The following HSD17B4 variants were observed in gnomAD, a reference collection of about 807,000 sequenced individuals.
HSD17B4 encodes peroxisomal multifunctional enzyme type 2.
HSD17B4 carries 70 observed loss-of-function variants against 101.0 expected under a neutral mutation model. The ratio of observed to expected loss-of-function variants is 0.69; its 90% CI spans 0.57 to 0.85. The LOEUF (loss-of-function observed/expected upper bound fraction) is 0.85. HSD17B4 is among the 40% of genes least tolerant of loss of function. HSD17B4 has a pLI of 0.00. For missense variants in HSD17B4, 984 were observed against 892.4 expected (o/e 1.10, Z -1.31); for synonymous variants, 347 against 297.1 (o/e 1.17, Z -1.73).
intron 2 of HSD17B4, among the ~76,000 whole-genome samples, chr5:119,463,526 T>A (rs1172979659): frequency 6.6e-6 from 1 of 151,662 alleles, no homozygotes; most frequent in East Asian, 1.9e-4. Context: ...TTTGTTATTT[T>A]TTTTTTTTTT....
In HSD17B4 at chr5:119,536,787, T is replaced by C. The variant is rs551418337; in HGVS notation, c.2121+237T>C. ...CTAGATTTTTTAATATATTCTGTTA[T>C]GTGTTCAAAGGTGAAAAACCATATG... On this transcript the variant is annotated intron_variant, in intron 23 of 23. Coordinates refer to ENST00000510025, the MANE Select transcript of HSD17B4 (RefSeq NM_000414.4). Among the ~76,000 whole-genome samples the C allele has an allele frequency of 4.1e-4, 62 of 152,222 alleles. No individual in the cohort carries two copies. The South Asian group carries it at 4.6e-3, about 11-fold the overall frequency.
At chr5:119,522,053 G>A (rs1580687579) in intron 17 of HSD17B4, among the ~76,000 whole-genome samples, 1 of 151,714 alleles carries the variant, frequency 6.6e-6, no homozygotes. Flanking sequence ...CGTCATTTAC[G>A]TTAGGTATAT....
Position 119,463,655 on chromosome 5 carries a change from C to CTTTTTTTTTTTTTTT in HSD17B4, c.112+7303_112+7317dup, listed in dbSNP as rs57252147. ...ATATACTTCTTGGCCATTTATATGT[C>CTTTTTTTTTTTTTTT]TTTTTTTTTTTTTTTTTTTTTTTTT... On this transcript the variant is annotated intron_variant, in intron 2 of 23. Coordinates refer to ENST00000510025, the MANE Select transcript of HSD17B4 (RefSeq NM_000414.4). 1.6e-3 allele frequency among the ~76,000 whole-genome samples: 47 copies of CTTTTTTTTTTTTTTT among 29,700 alleles called. 8 individuals are homozygous for CTTTTTTTTTTTTTTT. The highest frequency in any genetic ancestry group is 2.9e-3 in the South Asian group (1 of 344). 19.5% of individuals were successfully genotyped at this position (29,700 alleles called of 152,430 possible). A position where few individuals can be genotyped will look rare whatever the true frequency, so the allele number is the denominator to read the frequency against.
chr5:119,515,386 G>A (rs1752525398), intron 17 of HSD17B4, among the ~76,000 whole-genome samples: 2 of 152,056 alleles, frequency 1.3e-5, no homozygotes, highest in Admixed American at 6.5e-5. Context: ...GTAAGTGCAG[G>A]ATAAAAATTA....
At chr5:119,501,847 GCTGA>G (rs1481955730) in intron 13 of HSD17B4, among the ~76,000 whole-genome samples, 190 bp from the exon 14 acceptor site, 1 of 152,148 alleles carries the variant, frequency 6.6e-6, no homozygotes, top group African/African-American at 2.4e-5. Flanking sequence ...CTCCAGAAGA[GCTGA>G]CTGTCTTGAG....
Position 119,493,923 on chromosome 5 carries a change from C to A in HSD17B4, c.845C>A (p.Ala282Asp), listed in dbSNP as rs755644876. 15 of 1,613,150 alleles carry A rather than the reference C, an allele frequency of 9.3e-6. No individual in the cohort carries two copies. The highest frequency in any genetic ancestry group is 1.3e-5 in the Non-Finnish European group (15 of 1,179,364). Residue 282 changes from alanine (A) to aspartate (D), a missense_variant, in exon 11 of 24, where the codon GCC (alanine) becomes GAC (aspartate). Transcript: ENST00000510025. ...AAGAAGATCTGTGACTTTGAGAATG[C>A]CAGCAAGCCTCAGAGTATCCAAGGT... The part of the protein sequence containing the change: ...NWKKICDFEN[A>D]SKPQSIQEST...
At chr5:119,490,409 AC>A (rs1290552037) in intron 9 of HSD17B4, among the ~76,000 whole-genome samples, 1 of 152,210 alleles carries the variant, frequency 6.6e-6, no homozygotes, top group African/African-American at 2.4e-5. Context: ...AACTTTGTGA[AC>A]AAAAATAATA....
chr5:119,470,017 G>T (rs1464265383), intron 2 of HSD17B4, among the ~76,000 whole-genome samples: 1 of 152,130 alleles, frequency 6.6e-6, no homozygotes, highest in Non-Finnish European at 1.5e-5. Context: ...GGTTGCTGGT[G>T]GTGTCAGTTG....
intron 11 of HSD17B4, among the ~76,000 whole-genome samples, chr5:119,494,325 TTTTCTTTC>T (rs66578057): frequency 0.062 from 6,854 of 111,438 alleles, 206 homozygotes; most frequent in Middle Eastern, 0.079. Context: ...TCTTTCTTTC[TTTTCTTTC>T]TTTCTTTCTT....
intron 1 of HSD17B4, among the ~76,000 whole-genome samples, chr5:119,454,597 G>A (rs919923258): frequency 2.6e-5 from 4 of 151,622 alleles, no homozygotes; most frequent in African/African-American, 9.7e-5. Context: ...AAATTTCCTA[G>A]TTTTGGAAAA....
chr5:119,532,510 A>G (rs1275375710), intron 22 of HSD17B4, among the ~76,000 whole-genome samples: 1 of 152,142 alleles, frequency 6.6e-6, no homozygotes, highest in African/African-American at 2.4e-5. Flanking sequence ...TTTACCTTCT[A>G]TTAAAATAAT....
intron 23 of HSD17B4, among the ~76,000 whole-genome samples, chr5:119,540,663 T>C (rs1396715031): frequency 1.3e-5 from 2 of 152,214 alleles, no homozygotes; most frequent in Non-Finnish European, 2.9e-5. Flanking sequence ...ATGCATTTGA[T>C]TGTGACTGAA....
In HSD17B4 at chr5:119,514,130, A is replaced by G. The variant is rs76961019; in HGVS notation, c.1438-851A>G. 0.026 allele frequency among the ~76,000 whole-genome samples: 4,012 copies of G among 152,294 alleles called. 497 individuals carry two copies. The East Asian group carries it at 0.42, about 16-fold the overall frequency. On this transcript the variant is annotated intron_variant, in intron 16 of 23. Transcript: ENST00000510025. ...GGATGCAACTGAAACAAAGGAGTGTAATTGATGCAATGATTTTTGAAAAAC... is the reference window on the plus strand; with the variant it reads ...GGATGCAACTGAAACAAAGGAGTGTGATTGATGCAATGATTTTTGAAAAAC...
intron 17 of HSD17B4, among the ~76,000 whole-genome samples, chr5:119,522,285 A>G (rs1289135600): frequency 6.6e-6 from 1 of 152,190 alleles, no homozygotes; most frequent in Non-Finnish European, 1.5e-5. Flanking sequence ...TTATGACTGC[A>G]TAGTATTTCA....
intron 6 of HSD17B4, chr5:119,476,511 G>T: frequency 1.1e-6 from 1 of 934,166 alleles, no homozygotes; most frequent in Non-Finnish European, 1.3e-6. Flanking sequence ...TGAAACAATT[G>T]TATCATTGTT....
Position 119,493,713 on chromosome 5 carries a change from T to C in HSD17B4, c.740-105T>C, listed in dbSNP as rs1206088554. 7.2e-6 allele frequency: 8 copies of C among 1,108,336 alleles called. No individual in the cohort carries two copies. The East Asian group carries it at 1.8e-4, about 25-fold the overall frequency. The allele number at this position is 1,108,336 out of a possible 1,614,324, so 68.7% of individuals were successfully genotyped here. The stretch of plus-strand genomic sequence containing the variant: ...AACTCTTTAGGAGTTAGAATCCCTT[T>C]TTTTCTGAATTTCCTTTCTCTTTAA... On this transcript the variant is annotated intron_variant, in intron 10 of 23. Coordinates refer to ENST00000510025, the MANE Select transcript of HSD17B4 (RefSeq NM_000414.4).
intron 23 of HSD17B4, among the ~76,000 whole-genome samples, chr5:119,538,666 T>A (rs956373769): frequency 6.6e-6 from 1 of 152,206 alleles, no homozygotes; most frequent in African/African-American, 2.4e-5. Context: ...CCTGTAATGC[T>A]AATTCTAGTT....
At chr5:119,455,903 G>A (rs1255301155) in intron 1 of HSD17B4, among the ~76,000 whole-genome samples, 1 of 152,124 alleles carries the variant, frequency 6.6e-6, no homozygotes, top group Non-Finnish European at 1.5e-5. Context: ...GGAGCTGAAT[G>A]AAGAAGTCGC....
chr5:119,459,891 G>A (rs756495484), intron 2 of HSD17B4, among the ~76,000 whole-genome samples: 10 of 146,504 alleles, frequency 6.8e-5, no homozygotes, highest in Non-Finnish European at 1.0e-4. Flanking sequence ...TTTTTTTTGA[G>A]AGGGAGTCTC....
Sources: allele counts gnomAD v4.1 joint callset (sites outside exome capture counted in the v4.1 genomes callset), GRCh38; gene constraint gnomAD v4.1.1; transcripts MANE v1.5; gene names NCBI Gene and HGNC (gene_info 2026-07-23, HGNC 2026-07-21).